MAGI2: variants seen among roughly 807,000 people sequenced by gnomAD.
The protein encoded by MAGI2 is membrane associated guanylate kinase, WW and PDZ domain containing 2.
Under a neutral mutation model 133.3 loss-of-function variants are expected in MAGI2, and 35 were observed. That is an observed-to-expected ratio of 0.26 (90% CI 0.20 to 0.35). MAGI2 has a LOEUF of 0.35. MAGI2 is among the 10% of genes least tolerant of loss of function. MAGI2 has a pLI of 1.00. For synonymous variants in MAGI2, 729 were observed against 710.6 expected, an observed-to-expected ratio of 1.03 and a Z score of -0.41; for missense variants, 1,636 against 1,863.4, an observed-to-expected ratio of 0.88 and a Z score of 2.25.
intron 2 of MAGI2, among the ~76,000 whole-genome samples, chr7:78,657,082 T>G (rs1364610639): frequency 1.3e-5 from 2 of 151,342 alleles, no homozygotes; most frequent in Non-Finnish European, 2.9e-5. Flanking sequence ...CAAATGATGA[T>G]CCATATCATA....
At chr7:78,052,010 T>G (rs1208092123) in intron 21 of MAGI2, among the ~76,000 whole-genome samples, 2 of 151,818 alleles carry the variant, frequency 1.3e-5, no homozygotes, top group East Asian at 3.9e-4. Context: ...TAGCTGGGAC[T>G]ATGGCACACA....
At chr7:79,405,237 G>A (rs1363269816) in intron 1 of MAGI2, among the ~76,000 whole-genome samples, 1 of 152,066 alleles carries the variant, frequency 6.6e-6, no homozygotes, top group African/African-American at 2.4e-5. Context: ...TATCCTTATA[G>A]TATCCATTTG....
intron 2 of MAGI2, among the ~76,000 whole-genome samples, chr7:78,855,105 AT>A (rs1306277398): frequency 6.6e-6 from 1 of 152,082 alleles, no homozygotes; most frequent in African/African-American, 2.4e-5. Context: ...TACTTAAAAA[AT>A]ATTTTTGTAA....
chr7:78,122,397 T>A (rs1371227767), intron 20 of MAGI2, among the ~76,000 whole-genome samples: 2 of 151,948 alleles, frequency 1.3e-5, no homozygotes, highest in Non-Finnish European at 2.9e-5. Flanking sequence ...GCTTTTCCTT[T>A]AAAAAAAAGA....
chr7:79,406,881 C>T (rs1845842980), intron 1 of MAGI2, among the ~76,000 whole-genome samples: 1 of 152,024 alleles, frequency 6.6e-6, no homozygotes, highest in Non-Finnish European at 1.5e-5. Context: ...CCAGAAGTGT[C>T]TATTAAAGGC....
intron 6 of MAGI2, among the ~76,000 whole-genome samples, chr7:78,452,941 TG>T (rs988572438): frequency 6.6e-6 from 1 of 151,962 alleles, no homozygotes; most frequent in Admixed American, 6.6e-5. Context: ...GGGTTTCTCC[TG>T]AAAAAAAAAT....
intron 1 of MAGI2, among the ~76,000 whole-genome samples, chr7:79,399,095 C>CTTTTTTTTTTTTTTTCTTTTTTTTTTTTT (rs767332496): frequency 9.4e-6 from 1 of 106,300 alleles, no homozygotes; most frequent in African/African-American, 4.0e-5. Context: ...TTTTTCTTTT[C>CTTTTTTTTTTTTTTTCTTTTTTTTTTTTT]TTTTTTTTTT....
At chr7:79,076,769 T>G (rs1815502503) in intron 1 of MAGI2, among the ~76,000 whole-genome samples, 1 of 152,222 alleles carries the variant, frequency 6.6e-6, no homozygotes, top group African/African-American at 2.4e-5. Context: ...TCCCATAAGT[T>G]ATTCTTTCTT....
Position 79,374,712 on chromosome 7 carries a change from T to G in MAGI2, c.301+78308A>C, listed in dbSNP as rs147401373. Among the ~76,000 whole-genome samples the G allele has an allele frequency of 1.3e-4, 20 of 152,142 alleles. 2 individuals carry two copies. In the East Asian group the frequency reaches 3.9e-3, roughly 29 times the overall value. On this transcript the variant is annotated intron_variant, in intron 1 of 21. Coordinates refer to ENST00000354212, the MANE Select transcript of MAGI2 (RefSeq NM_012301.4). Reference sequence around the variant, plus strand: ...GCACACTTTTACTACAATAATATATTACCTGTATATTTACAAATTAAAAAA... The same window carrying G: ...GCACACTTTTACTACAATAATATATGACCTGTATATTTACAAATTAAAAAA...
chr7:78,808,287 C>T (rs756769770), intron 2 of MAGI2, among the ~76,000 whole-genome samples: 18 of 152,148 alleles, frequency 1.2e-4, no homozygotes, highest in African/African-American at 1.9e-4. Flanking sequence ...GACAGAGTCT[C>T]GCTCTGTCAC....
chr7:79,098,476 T>C (rs1181989262), intron 1 of MAGI2, among the ~76,000 whole-genome samples: 1 of 152,320 alleles, frequency 6.6e-6, no homozygotes, highest in East Asian at 1.9e-4. Flanking sequence ...ATTTTGCCAT[T>C]ATTAGGGCTG....
intron 2 of MAGI2, among the ~76,000 whole-genome samples, chr7:78,844,105 A>T (rs1319183791): frequency 6.6e-6 from 1 of 151,044 alleles, no homozygotes; most frequent in African/African-American, 2.4e-5. Flanking sequence ...CTGCATTTAC[A>T]GGCAAAAGAG....
intron 1 of MAGI2, among the ~76,000 whole-genome samples, chr7:79,321,618 C>T (rs1412067119): frequency 1.3e-5 from 2 of 152,094 alleles, no homozygotes; most frequent in African/African-American, 4.8e-5. Flanking sequence ...CAGTTAAGAG[C>T]CTGGGTACCA....
At chr7:78,156,632 G>T (rs554208092) in intron 16 of MAGI2, among the ~76,000 whole-genome samples, 3 of 151,974 alleles carry the variant, frequency 2.0e-5, no homozygotes, top group African/African-American at 4.8e-5. Context: ...GCCCAAAGAG[G>T]TCATGTAACT....
intron 1 of MAGI2, among the ~76,000 whole-genome samples, chr7:79,367,097 C>CA (rs1842748701): frequency 6.6e-6 from 1 of 152,118 alleles, no homozygotes; most frequent in South Asian, 2.1e-4. Flanking sequence ...CCTGGCAAGT[C>CA]AAAAAAGAGC....
intron 2 of MAGI2, among the ~76,000 whole-genome samples, chr7:78,656,844 T>C (rs1023792835): frequency 6.6e-6 from 1 of 152,072 alleles, no homozygotes; most frequent in African/African-American, 2.4e-5. Context: ...ATTTATGATA[T>C]GCAAAAAACA....
At chr7:78,897,953 G>A (rs756711800) in intron 2 of MAGI2, among the ~76,000 whole-genome samples, 39 of 152,224 alleles carry the variant, frequency 2.6e-4, no homozygotes, top group Admixed American at 5.9e-4. Flanking sequence ...GTGAGCAAAG[G>A]TCTAATATCG....
intron 1 of MAGI2, among the ~76,000 whole-genome samples, chr7:79,279,794 G>A (rs1021720623): frequency 3.9e-5 from 6 of 152,132 alleles, no homozygotes; most frequent in South Asian, 2.1e-4. Flanking sequence ...TTCAAATTAC[G>A]TGACATTTAC....
At chr7:78,272,933 C>T (rs879822658) in intron 9 of MAGI2, among the ~76,000 whole-genome samples, 5 of 152,060 alleles carry the variant, frequency 3.3e-5, no homozygotes, top group African/African-American at 4.8e-5. Flanking sequence ...GCATGTAGTT[C>T]GTTTACATTT....
Sources: gnomAD v4.1 joint callset for allele counts (sites outside exome capture counted in the v4.1 genomes callset) on GRCh38, gnomAD v4.1.1 for gene constraint, MANE v1.5 for transcripts, NCBI Gene and HGNC (gene_info 2026-07-23, HGNC 2026-07-21) for gene names.